CYRIB: variants seen among roughly 807,000 people sequenced by gnomAD.
CYRIB encodes CYFIP related Rac1 interactor B, also known as CYFIP-related Rac1 interactor B.
Under a neutral mutation model 44.2 loss-of-function variants are expected in CYRIB, and 8 were observed. The ratio of observed to expected loss-of-function variants is 0.18; its 90% CI spans 0.11 to 0.33. CYRIB has a LOEUF of 0.33. CYRIB is among the 10% of genes least tolerant of loss of function. CYRIB has a pLI of 1.00. For synonymous variants in CYRIB, 131 were observed against 127.2 expected, an observed-to-expected ratio of 1.03 and a Z score of -0.20; for missense variants, 185 against 382.8, an observed-to-expected ratio of 0.48 and a Z score of 4.31.
At chr8:129,846,809 A>G (rs1421926233) in exon 11 of CYRIB, 2 of 1,593,848 alleles carry the variant, frequency 1.3e-6, no homozygotes, top group Non-Finnish European at 1.7e-6. Flanking sequence ...CACACCTGAG[A>G]GCATTTAGAA....
intron 1 of CYRIB, among the ~76,000 whole-genome samples, chr8:129,981,507 A>G (rs1054846894): frequency 6.6e-6 from 1 of 152,226 alleles, no homozygotes; most frequent in African/African-American, 2.4e-5. Flanking sequence ...ATAGATGAGC[A>G]AGATAAAAAT....
chr8:129,983,788 G>A (rs2096345730), intron 1 of CYRIB, among the ~76,000 whole-genome samples: 1 of 152,212 alleles, frequency 6.6e-6, no homozygotes, highest in Non-Finnish European at 1.5e-5. Context: ...CGGGCTCCGC[G>A]AGGCCTGCAG....
intron 1 of CYRIB, among the ~76,000 whole-genome samples, chr8:129,985,351 C>G (rs2096415999): frequency 6.6e-6 from 1 of 152,174 alleles, no homozygotes; most frequent in African/African-American, 2.4e-5. Context: ...ACGCTCCATC[C>G]TGGCCCGGGA....
chr8:129,904,138 C>T (rs1311531270), intron 1 of CYRIB, among the ~76,000 whole-genome samples: 1 of 152,070 alleles, frequency 6.6e-6, no homozygotes. Flanking sequence ...TTATAAGAAG[C>T]AAATAAAGAC....
At chr8:129,943,727 C>T (rs567892288), upstream of CYRIB, among the ~76,000 whole-genome samples, 6 of 148,518 alleles carry the variant, frequency 4.0e-5, no homozygotes, top group East Asian at 1.0e-3. Flanking sequence ...GCCTCCCGAG[C>T]AGCTGGGACT....
exon 8 of CYRIB, chr8:129,852,246 C>G: frequency 6.4e-7 from 1 of 1,569,502 alleles, no homozygotes; most frequent in East Asian, 2.4e-5. Context: ...TTCGATTTGC[C>G]AATTCATTAT....
At chr8:129,936,513 T>G (rs2086642) in intron 1 of CYRIB, among the ~76,000 whole-genome samples, 1 of 152,146 alleles carries the variant, frequency 6.6e-6, no homozygotes, top group Non-Finnish European at 1.5e-5. Flanking sequence ...TTATGTATAA[T>G]TGTAGAAACT....
At chr8:129,842,415 T>C (rs2036876079) in intron 11 of CYRIB, among the ~76,000 whole-genome samples, 1 of 152,148 alleles carries the variant, frequency 6.6e-6, no homozygotes, top group African/African-American at 2.4e-5. Context: ...TTAGCAGCTA[T>C]TTAACTTAGT....
intron 3 of CYRIB, among the ~76,000 whole-genome samples, chr8:129,876,909 G>A (rs963776545): frequency 6.6e-6 from 1 of 152,164 alleles, no homozygotes; most frequent in South Asian, 2.1e-4. Context: ...AAATAATGTG[G>A]CTTTAAGTTA....
At chr8:129,864,061 T>C (rs929480457) in intron 4 of CYRIB, among the ~76,000 whole-genome samples, 5 of 152,372 alleles carry the variant, frequency 3.3e-5, no homozygotes, top group African/African-American at 1.2e-4. Flanking sequence ...ATCTAACGGA[T>C]GCTCTGAACA....
intron 2 of CYRIB, among the ~76,000 whole-genome samples, chr8:129,961,957 T>G (rs1357776770): frequency 6.6e-6 from 1 of 152,128 alleles, no homozygotes; most frequent in Non-Finnish European, 1.5e-5. Context: ...AAATAAAAAT[T>G]TTTTAATTGC....
At chr8:129,873,491 AAT>A (rs1462826249) in intron 3 of CYRIB, among the ~76,000 whole-genome samples, 2 of 152,036 alleles carry the variant, frequency 1.3e-5, no homozygotes, top group Non-Finnish European at 1.5e-5. Context: ...AGTAGAGAAA[AAT>A]ATGTTTTACA....
intron 2 of CYRIB, among the ~76,000 whole-genome samples, chr8:129,964,569 G>A (rs2095400144): frequency 6.6e-6 from 1 of 152,122 alleles, no homozygotes; most frequent in Non-Finnish European, 1.5e-5. Flanking sequence ...CACAACAAAG[G>A]TACCATCCAT....
chr8:129,878,023 C>T (rs1478257973), intron 3 of CYRIB, among the ~76,000 whole-genome samples: 2 of 152,186 alleles, frequency 1.3e-5, no homozygotes, highest in African/African-American at 2.4e-5. Flanking sequence ...ATCTGCTCGA[C>T]ATCCTCAAGC....
chr8:129,847,080 A>C (rs2040471133), intron 10 of CYRIB: 1 of 463,686 alleles, frequency 2.2e-6, no homozygotes, highest in East Asian at 4.0e-5. Flanking sequence ...TTGAGAACAA[A>C]ATCAGTCAAA....
chr8:129,986,351 C>A (rs1008888633), intron 1 of CYRIB, among the ~76,000 whole-genome samples: 3 of 152,192 alleles, frequency 2.0e-5, no homozygotes, highest in Non-Finnish European at 4.4e-5. Context: ...CTCACTCTAT[C>A]CCAGTTCAGG....
intron 1 of CYRIB, among the ~76,000 whole-genome samples, chr8:129,927,102 G>C (rs1003753781): frequency 1.3e-5 from 2 of 151,482 alleles, no homozygotes; most frequent in Non-Finnish European, 2.9e-5. Flanking sequence ...AGCCAACATG[G>C]TAAAACCCTG....
At chr8:129,955,193 C>T (rs988284287) in intron 2 of CYRIB, among the ~76,000 whole-genome samples, 51 of 145,794 alleles carry the variant, frequency 3.5e-4, no homozygotes, top group African/African-American at 1.3e-3. Flanking sequence ...GCGGAGGTTG[C>T]AGTGAGCCAA....
intron 1 of CYRIB, among the ~76,000 whole-genome samples, chr8:129,910,374 T>C (rs1397591757): frequency 6.6e-6 from 1 of 152,112 alleles, no homozygotes; most frequent in Non-Finnish European, 1.5e-5. Flanking sequence ...TCTTTATACC[T>C]AGTGCCAAAT....
Sources: allele counts gnomAD v4.1 joint callset (sites outside exome capture counted in the v4.1 genomes callset), GRCh38; gene constraint gnomAD v4.1.1; transcripts MANE v1.5; gene names NCBI Gene and HGNC (gene_info 2026-07-23, HGNC 2026-07-21).